Variants in MDM1 observed in about 807,000 individuals in gnomAD.
The protein encoded by MDM1 is stabilizer of axonemal microtubules 6.
A neutral mutation model predicts 89.1 loss-of-function variants in MDM1; 61 were observed. The ratio of observed to expected loss-of-function variants is 0.68; its 90% CI spans 0.56 to 0.85. The LOEUF (loss-of-function observed/expected upper bound fraction) is 0.85, where lower values mean the gene tolerates loss of function less well. Ranked by LOEUF, MDM1 falls within the 40% of genes least tolerant of loss-of-function variation. The pLI, the probability that MDM1 is intolerant of heterozygous loss-of-function variation, is 0.00. For synonymous variants in MDM1, 290 were observed against 294.1 expected (o/e 0.99, Z 0.14); for missense variants, 820 against 846.5 (o/e 0.97, Z 0.39).
At chr12:68,297,024 A>T (rs1871492222) in intron 13 of MDM1, 42 bp from the exon 14 acceptor site, 1 of 1,457,422 alleles carries the variant, frequency 6.9e-7, no homozygotes, top group Non-Finnish European at 9.4e-7. Flanking sequence ...TTCAAAAGCC[A>T]CTGAACAGCT....
chr12:68,307,074 A>T (rs1048142785), intron 12 of MDM1, among the ~76,000 whole-genome samples: 1 of 152,228 alleles, frequency 6.6e-6, no homozygotes, highest in Non-Finnish European at 1.5e-5. Context: ...CCATTATTCT[A>T]ATTGAATTAA....
intron 13 of MDM1, among the ~76,000 whole-genome samples, chr12:68,301,363 A>ACC: frequency 6.6e-6 from 1 of 152,236 alleles, no homozygotes; most frequent in African/African-American, 2.4e-5. Context: ...TCAGGTATGA[A>ACC]AAATCAAATA....
In MDM1 at chr12:68,328,067, C is replaced by G. The variant is rs146595773; in HGVS notation, c.134-1046G>C. ...TTTTTCCCACTTTAGAGAAGAAAGA[C>G]ACACCTCTTAACCAGCCTGAAACTT... On this transcript the variant is annotated intron_variant, in intron 2 of 14. Coordinates refer to ENST00000682720, the MANE Select transcript of MDM1 (RefSeq NM_001354969.2). 1.6e-3 allele frequency among the ~76,000 whole-genome samples: 248 copies of G among 152,312 alleles called. 1 individual carries two copies. Among genetic ancestry groups the G allele is most frequent in the African/African-American group, 5.4e-3 (225 of 41,560 alleles).
At chr12:68,329,081 T>TAGGC (rs922129803) in intron 2 of MDM1, among the ~76,000 whole-genome samples, 1 of 152,232 alleles carries the variant, frequency 6.6e-6, no homozygotes, top group Non-Finnish European at 1.5e-5. Context: ...AATAGCCCTG[T>TAGGC]AGGCGCTCAG....
At position 68,313,550 on chromosome 12, in the gene MDM1, C is replaced by T. The variant is rs1481107898; in HGVS notation, c.1642G>A (p.Gly548Ser). 2 of 1,612,822 alleles carry T rather than the reference C, an allele frequency of 1.2e-6. No individual in the cohort carries two copies. The highest frequency in any genetic ancestry group is 1.7e-4 in the Middle Eastern group (1 of 6,058). Residue 548 changes from glycine (G) to serine (S), a missense_variant and splice_region_variant, in exon 12 of 15, where the codon GGT becomes AGT. Physicochemically the swap from Gly to Ser is moderately conservative, Grantham distance 56 (BLOSUM62 0). Coordinates refer to ENST00000682720, the MANE Select transcript of MDM1 (RefSeq NM_001354969.2). ...TTAGATGGAGACACTAAAACAGCACCACCTGGAAAAATAAAGATGACAGTT... is the reference window on the plus strand; with the variant it reads ...TTAGATGGAGACACTAAAACAGCACTACCTGGAAAAATAAAGATGACAGTT... ...HHDLTTPAVGGAVLVSPSKMK... is the reference protein window; with the variant it reads ...HHDLTTPAVGSAVLVSPSKMK...
intron 12 of MDM1, among the ~76,000 whole-genome samples, chr12:68,308,271 G>A (rs1048585175): frequency 1.3e-5 from 2 of 151,982 alleles, no homozygotes. Context: ...GACTATAGGC[G>A]TGTGCCACCA....
intron 12 of MDM1, among the ~76,000 whole-genome samples, chr12:68,304,657 A>C (rs1188839561): frequency 6.6e-6 from 1 of 152,150 alleles, no homozygotes; most frequent in Non-Finnish European, 1.5e-5. Context: ...ACAATTGCTG[A>C]AAACACCGGA....
intron 2 of MDM1, among the ~76,000 whole-genome samples, chr12:68,330,126 G>A (rs150651396): frequency 7.9e-5 from 12 of 152,068 alleles, no homozygotes; most frequent in Admixed American, 6.5e-5. Flanking sequence ...CACTCCTCCC[G>A]CATGTTATGT....
chr12:68,313,818 T>G (rs966926757), intron 10 of MDM1, 65 bp from the exon 11 acceptor site: 1 of 1,345,558 alleles, frequency 7.4e-7, no homozygotes, highest in Non-Finnish European at 1.1e-6. Flanking sequence ...TAAAAAATAC[T>G]TTGCCATCAT....
chr12:68,297,887 T>C (rs1203348964), intron 13 of MDM1, among the ~76,000 whole-genome samples: 1 of 152,148 alleles, frequency 6.6e-6, no homozygotes, highest in Non-Finnish European at 1.5e-5. Context: ...AAAATCTTTT[T>C]AAAAAACTAA....
intron 12 of MDM1, among the ~76,000 whole-genome samples, chr12:68,303,270 G>C (rs1377890498): frequency 6.6e-6 from 1 of 152,078 alleles, no homozygotes; most frequent in African/African-American, 2.4e-5. Context: ...CCTTACTAAT[G>C]ATCAAATAAT....
Position 68,332,347 on chromosome 12 carries a change from G to A in MDM1, c.-102C>T. ...TGTTCCCTAGCAAAGCCTCGGCCCG[G>A]CGTCCCCGACTACGCGCCGGCGCAC... On this transcript the variant is annotated 5_prime_UTR_variant, in exon 1 of 15. Transcript: ENST00000682720. 7.2e-7 allele frequency: 1 copy of A among 1,392,192 alleles called. No homozygotes were observed. Among genetic ancestry groups the A allele is most frequent in the South Asian group, 1.4e-5 (1 of 69,456 alleles). The allele number at this position is 1,392,192 out of a possible 1,614,324, so 86.2% of individuals were successfully genotyped here.
rs983483366 is a variant in MDM1, at chr12:68,332,356, A to C, written c.-111T>G. 7.5e-7 allele frequency: 1 copy of C among 1,340,968 alleles called. No homozygotes were observed. The highest frequency in any genetic ancestry group is 2.7e-5 in the Admixed American group (1 of 37,512). The allele number at this position is 1,340,968 out of a possible 1,614,324, so 83.1% of individuals were successfully genotyped here. ...GCAAAGCCTCGGCCCGGCGTCCCCG[A>C]CTACGCGCCGGCGCACTCCGCGCTT... On this transcript the variant is annotated 5_prime_UTR_variant, in exon 1 of 15. Transcript: ENST00000682720.
chr12:68,306,954 T>C (rs974000777), intron 12 of MDM1, among the ~76,000 whole-genome samples: 5 of 152,102 alleles, frequency 3.3e-5, no homozygotes, highest in Admixed American at 3.3e-4. Flanking sequence ...TGCCCATCAA[T>C]AGTGGATTAG....
chr12:68,316,745 T>C (rs919362531), intron 7 of MDM1, 135 bp from the exon 8 acceptor site: 1 of 735,356 alleles, frequency 1.4e-6, no homozygotes, highest in Non-Finnish European at 2.2e-6. Flanking sequence ...TTGGGATTTT[T>C]AGTAATTAGT....
intron 12 of MDM1, among the ~76,000 whole-genome samples, chr12:68,312,505 A>C (rs1475797736): frequency 6.6e-6 from 1 of 152,176 alleles, no homozygotes; most frequent in Non-Finnish European, 1.5e-5. Flanking sequence ...ACCAAGGTCC[A>C]AACAACCATC....
intron 2 of MDM1, chr12:68,327,285 T>G: frequency 7.1e-7 from 1 of 1,414,834 alleles, no homozygotes; most frequent in Non-Finnish European, 9.2e-7. Context: ...GTTCCAGTTA[T>G]CCTAACAAAA....
intron 8 of MDM1, 80 bp downstream of exon 8, chr12:68,316,494 AAAAATAT>A: frequency 5.2e-6 from 6 of 1,163,472 alleles, no homozygotes. Flanking sequence ...AGCAGCTAAG[AAAAATAT>A]TGACACCTAC....
Position 68,325,437 on chromosome 12 carries a change from CTACCTG to C in MDM1, c.631_633+3del. ...TCAGAAATGTATTACATCCATTAAG[CTACCTG>C]ATTGGCTGCAAAAGCTGGAGCAGTT... On this transcript the variant is annotated splice_donor_variant and splice_donor_region_variant and coding_sequence_variant and intron_variant, in exon 4 of 15. Transcript: ENST00000682720. LOFTEE classifies it high-confidence loss of function. 1 of 1,560,258 alleles carries C rather than the reference CTACCTG, an allele frequency of 6.4e-7. No individual in the cohort carries two copies. Among genetic ancestry groups the C allele is most frequent in the Non-Finnish European group, 8.7e-7 (1 of 1,155,746 alleles).
Sources: allele counts gnomAD v4.1 joint callset (sites outside exome capture counted in the v4.1 genomes callset), GRCh38; gene constraint gnomAD v4.1.1; transcripts MANE v1.5; gene names NCBI Gene and HGNC (gene_info 2026-07-23, HGNC 2026-07-21).